ARHGEF26: variants seen among roughly 807,000 people sequenced by gnomAD.
ARHGEF26 encodes the protein Rho guanine nucleotide exchange factor 26.
ARHGEF26 carries 59 observed loss-of-function variants against 89.4 expected under a neutral mutation model. The observed-to-expected ratio is 0.66, with a 90% CI of 0.54 to 0.82. The LOEUF is 0.82. ARHGEF26 is among the 40% of genes least tolerant of loss of function. ARHGEF26 has a pLI of 0.00. For missense variants in ARHGEF26, 1,234 were observed against 1,085.6 expected (o/e 1.14, Z -1.92); for synonymous variants, 500 against 428.4 (o/e 1.17, Z -2.06).
intron 8 of ARHGEF26, among the ~76,000 whole-genome samples, chr3:154,192,939 T>G (rs1714040302): frequency 6.6e-6 from 1 of 152,214 alleles, no homozygotes; most frequent in Admixed American, 6.5e-5. Context: ...TCTTTAAATT[T>G]GAGAAAATTA....
rs1004116143 is a variant in ARHGEF26, at chr3:154,146,128, C to T, written c.1270-3261C>T. 4.6e-5 allele frequency among the ~76,000 whole-genome samples: 7 copies of T among 152,100 alleles called. No individual in the cohort carries two copies. The South Asian group carries it at 8.3e-4, about 18-fold the overall frequency. Reference sequence around the variant, plus strand: ...AATTTATTTCTCACAGTATTGGAGGCGGGAAAGTCCAAAATCAAGGCAGAT... The same window carrying T: ...AATTTATTTCTCACAGTATTGGAGGTGGGAAAGTCCAAAATCAAGGCAGAT... On this transcript the variant is annotated intron_variant, in intron 4 of 14. Transcript: ENST00000465093.
intron 4 of ARHGEF26, among the ~76,000 whole-genome samples, chr3:154,130,638 A>G (rs1281225765): frequency 6.6e-6 from 1 of 152,092 alleles, no homozygotes; most frequent in African/African-American, 2.4e-5. Context: ...CCTGGCTTAC[A>G]ATGTCACAGT....
intron 7 of ARHGEF26, among the ~76,000 whole-genome samples, chr3:154,190,293 C>G (rs1424507875): frequency 6.6e-6 from 1 of 152,172 alleles, no homozygotes; most frequent in Non-Finnish European, 1.5e-5. Context: ...AGGTGGATTA[C>G]TTGAGGCCAG....
chr3:154,139,834 A>T (rs1719248519), intron 4 of ARHGEF26, among the ~76,000 whole-genome samples: 1 of 152,182 alleles, frequency 6.6e-6, no homozygotes, highest in Admixed American at 6.5e-5. Flanking sequence ...TAATATTAGG[A>T]TGTTTATTAT....
chr3:154,254,720 C>T lies in ARHGEF26; in HGVS notation c.2369C>T (p.Ser790Leu), dbSNP rs768446508. Residue 790 changes from serine (S) to leucine (L), a missense_variant and splice_region_variant, in exon 14 of 15, where the codon TCA (serine) becomes TTA (leucine). Transcript: ENST00000465093. ...TTAGTATGTCCTCTTTTGGCCTCAG[C>T]ACTGACCCAGGTGGAAATCGTTAGG... is the stretch of plus-strand genomic sequence containing the variant. ...SSGKPPADRT[S>L]LTQVEIVRSF... The T allele has an allele frequency of 6.2e-7, 1 of 1,613,572 alleles. No individual in the cohort carries two copies. The highest frequency in any genetic ancestry group is 1.1e-5 in the South Asian group (1 of 91,062).
chr3:154,178,018 A>G (rs529064977), intron 6 of ARHGEF26, among the ~76,000 whole-genome samples: 1 of 152,034 alleles, frequency 6.6e-6, no homozygotes, highest in Non-Finnish European at 1.5e-5. Context: ...AGCCTGGCCA[A>G]CCTGGTGAAC....
chr3:154,121,086 G>T (rs1717858182), upstream of ARHGEF26: 3 of 152,202 alleles, frequency 2.0e-5, no homozygotes, highest in African/African-American at 7.2e-5. Context: ...AGGATTCAGG[G>T]CTTCCTAAGC....
At chr3:154,225,706 T>A in intron 10 of ARHGEF26, 150 bp from the exon 11 acceptor site, 1 of 692,046 alleles carries the variant, frequency 1.4e-6, no homozygotes, top group Non-Finnish European at 2.2e-6. Flanking sequence ...TGTACTTCTG[T>A]ATTTATAGTT....
At chr3:154,130,629 C>T (rs556623604) in intron 4 of ARHGEF26, among the ~76,000 whole-genome samples, 6 of 152,120 alleles carry the variant, frequency 3.9e-5, no homozygotes, top group Non-Finnish European at 7.4e-5. Flanking sequence ...TTTTTTCCTC[C>T]TGGCTTACAA....
intron 8 of ARHGEF26, among the ~76,000 whole-genome samples, chr3:154,193,040 T>G (rs1030648046): frequency 1.4e-5 from 2 of 147,266 alleles, no homozygotes; most frequent in Admixed American, 7.0e-5. Flanking sequence ...TTTAAACTTT[T>G]TTTAAGCCAC....
At chr3:154,124,519 A>T in intron 3 of ARHGEF26, 70 bp downstream of exon 3, 1 of 1,330,262 alleles carries the variant, frequency 7.5e-7, no homozygotes, top group Non-Finnish European at 1.0e-6. Context: ...TTGAAATCCA[A>T]CTGCAGTAAC....
chr3:154,230,019 T>TA (rs1264717741), intron 11 of ARHGEF26, among the ~76,000 whole-genome samples: 1 of 152,244 alleles, frequency 6.6e-6, no homozygotes, highest in East Asian at 1.9e-4. Flanking sequence ...CTGTTGTTCC[T>TA]AGTTTTGAAA....
intron 4 of ARHGEF26, 105 bp from the exon 5 acceptor site, chr3:154,149,284 C>T: frequency 2.9e-6 from 2 of 692,006 alleles, no homozygotes; most frequent in Non-Finnish European, 4.7e-6. Flanking sequence ...TGTATAGTTT[C>T]TCCTAATTCA....
intron 6 of ARHGEF26, among the ~76,000 whole-genome samples, chr3:154,158,708 T>G (rs1222899852): frequency 6.6e-6 from 1 of 152,168 alleles, no homozygotes. Flanking sequence ...GTATTTGATA[T>G]CATCTTTCAA....
chr3:154,121,861 C>G lies in ARHGEF26; in HGVS notation c.-51-81C>G. 3.1e-6 allele frequency: 4 copies of G among 1,293,604 alleles called. No homozygotes were observed. In the South Asian group the frequency reaches 6.3e-5, roughly 20 times the overall value. 80.1% of individuals were successfully genotyped at this position (1,293,604 alleles called of 1,614,324 possible). ...CGTGTCCTGCGCAGCAGCAGGGGGA[C>G]CGCCGGTCTGGGAGCACGCGAGTCG... On this transcript the variant is annotated intron_variant, in intron 1 of 14. Coordinates refer to ENST00000465093, the MANE Select transcript of ARHGEF26 (RefSeq NM_015595.4).
At chr3:154,208,494 G>C (rs1014480487) in intron 9 of ARHGEF26, among the ~76,000 whole-genome samples, 1 of 151,994 alleles carries the variant, frequency 6.6e-6, no homozygotes, top group Non-Finnish European at 1.5e-5. Flanking sequence ...TCTAGGTTTG[G>C]GAAGTTCTCT....
chr3:154,151,273 T>G (rs1275790498), intron 5 of ARHGEF26, among the ~76,000 whole-genome samples: 1 of 152,184 alleles, frequency 6.6e-6, no homozygotes, highest in Non-Finnish European at 1.5e-5. Flanking sequence ...AGGGCTTATT[T>G]GTTTATGCCC....
In ARHGEF26 at chr3:154,122,080, C is replaced by G. The variant is rs1717969594; in HGVS notation, c.88C>G (p.Leu30Val). The change falls in exon 2 of 15, where the codon CTG becomes GTG. Residue 30 changes from leucine to valine, a missense_variant. Physicochemically the swap from Leu to Val is conservative, Grantham distance 32. Coordinates refer to ENST00000465093, the MANE Select transcript of ARHGEF26 (RefSeq NM_015595.4). Reference protein sequence around the residue: ...RRSIPQPHQVLGRSKPRPQSY... With the variant: ...RRSIPQPHQVVGRSKPRPQSY... ...GTCGATTCCTCAGCCCCACCAGGTT[C>G]TGGGCCGGAGCAAGCCGAGGCCCCA... 3 of 1,612,324 alleles carry G rather than the reference C, an allele frequency of 1.9e-6. No individual in the cohort carries two copies. In the East Asian group the frequency reaches 6.7e-5, roughly 36 times the overall value.
At chr3:154,216,229 A>T (rs1020942764) in intron 9 of ARHGEF26, among the ~76,000 whole-genome samples, 8 of 151,822 alleles carry the variant, frequency 5.3e-5, no homozygotes, top group African/African-American at 1.9e-4. Flanking sequence ...TGACTCTAAT[A>T]TGGGCATTTT....
Sources: gnomAD v4.1 joint callset for allele counts (sites outside exome capture counted in the v4.1 genomes callset) on GRCh38, gnomAD v4.1.1 for gene constraint, MANE v1.5 for transcripts, NCBI Gene and HGNC (gene_info 2026-07-23, HGNC 2026-07-21) for gene names.